Variants in KCNJ15 observed in about 807,000 individuals in gnomAD.
KCNJ15 encodes the protein potassium inwardly rectifying channel subfamily J member 15, also known as ATP-sensitive inward rectifier potassium channel 15.
In KCNJ15, 14 loss-of-function variants were observed where a neutral mutation model predicts 23.0. The ratio of observed to expected loss-of-function variants is 0.61; its 90% CI spans 0.40 to 0.95. The LOEUF is 0.95. Among genes scored for constraint, KCNJ15 ranks in the 40% least tolerant of loss-of-function variants. The pLI is 0.00. For synonymous variants in KCNJ15, 185 were observed against 183.2 expected, an observed-to-expected ratio of 1.01 and a Z score of -0.08; for missense variants, 388 against 461.8, an observed-to-expected ratio of 0.84 and a Z score of 1.46.
chr21:38,240,557 T>C (rs1601124809), intron 1 of KCNJ15, among the ~76,000 whole-genome samples: 2 of 152,342 alleles, frequency 1.3e-5, no homozygotes, highest in South Asian at 4.1e-4. Context: ...TCTGAGTTGT[T>C]GAATATCCAT....
At chr21:38,259,374 G>A (rs925075931) in intron 1 of KCNJ15, among the ~76,000 whole-genome samples, 2 of 152,164 alleles carry the variant, frequency 1.3e-5, no homozygotes, top group African/African-American at 4.8e-5. Flanking sequence ...GGGAATGCTT[G>A]TTGAAGGCAT....
rs1420677195 is a variant in KCNJ15 at position 38,257,007 on chromosome 21, T to G, written c.-295T>G. ...TCTCTCTTCAGTTCCTCCAGGTAAT[T>G]CTTACTCAAACTTGTACCAACTTGT... On this transcript the variant is annotated 5_prime_UTR_variant, in exon 1 of 3. In the 5' UTR this introduces an upstream ATG that the reference lacks. Coordinates refer to ENST00000398938, the MANE Select transcript of KCNJ15 (RefSeq NM_170736.3). The G allele has an allele frequency of 6.8e-6, 1 of 147,692 alleles. No homozygotes were observed. The highest frequency in any genetic ancestry group is 2.2e-4 in the East Asian group (1 of 4,578). 9.1% of individuals were successfully genotyped at this position (147,692 alleles called of 1,614,324 possible). A position where few individuals can be genotyped will look rare whatever the true frequency, so the allele number is the denominator to read the frequency against.
At position 38,306,088 on chromosome 21, in the gene KCNJ15, C is replaced by A. The variant is rs925345028; in HGVS notation, c.*5699C>A. The A allele has an allele frequency of 6.6e-6, 1 of 152,224 alleles. No homozygotes were observed. Among genetic ancestry groups the A allele is most frequent in the Non-Finnish European group, 1.5e-5 (1 of 68,048 alleles). The allele number at this position is 152,224 out of a possible 1,614,324, so 9.4% of individuals were successfully genotyped here. A position where few individuals can be genotyped will look rare whatever the true frequency, so the allele number is the denominator to read the frequency against. On this transcript the variant is annotated 3_prime_UTR_variant, in exon 3 of 3. Coordinates refer to ENST00000398938, the MANE Select transcript of KCNJ15 (RefSeq NM_170736.3). ...ACGTGGGTGCACAGGAGCCCAGATT[C>A]TCAAGCCCCAGTTGCAGAATTAGGC...
chr21:38,281,045 C>T (rs1306243810), intron 1 of KCNJ15, among the ~76,000 whole-genome samples: 3 of 152,056 alleles, frequency 2.0e-5, no homozygotes, highest in African/African-American at 4.8e-5. Context: ...GCCTCAGCCT[C>T]GCCTGGGAGC....
Position 38,242,790 on chromosome 21 carries a change from A to G in KCNJ15, c.-398-14256A>G, listed in dbSNP as rs976262439. ...CTGTGTTCCCCCAGCCCACATCTTC[A>G]TTACACAAACTATTTGTATGCTCAC... On this transcript the variant is annotated intron_variant, in intron 1 of 4. Coordinates refer to the KCNJ15 transcript ENST00000547341. Among the ~76,000 whole-genome samples the G allele has an allele frequency of 4.6e-5, 7 of 152,100 alleles. No homozygotes were observed. The South Asian group carries it at 6.2e-4, about 14-fold the overall frequency.
At chr21:38,279,828 G>A (rs576447992) in intron 1 of KCNJ15, among the ~76,000 whole-genome samples, 4 of 152,198 alleles carry the variant, frequency 2.6e-5, no homozygotes, top group African/African-American at 9.6e-5. Context: ...TAACTCCATG[G>A]GTTTTATTAC....
At chr21:38,241,882 T>C (rs568204329) in intron 1 of KCNJ15, among the ~76,000 whole-genome samples, 1 of 149,614 alleles carries the variant, frequency 6.7e-6, no homozygotes, top group Non-Finnish European at 1.5e-5. Flanking sequence ...GGCAGGAGAA[T>C]CGCTTGAACC....
In KCNJ15 at chr21:38,262,460, T is replaced by C. The variant is rs576982712; in HGVS notation, c.-117+5275T>C. ...AAAGCAGTGTGGGTGTGTATTTAGC[T>C]AGGACATTAATAACAAAACTGACTG... On this transcript the variant is annotated intron_variant, in intron 1 of 2. Coordinates refer to ENST00000398938, the MANE Select transcript of KCNJ15 (RefSeq NM_170736.3). 9.8e-5 allele frequency among the ~76,000 whole-genome samples: 15 copies of C among 152,304 alleles called. No individual in the cohort carries two copies. In the East Asian group the frequency reaches 2.9e-3, roughly 29 times the overall value.
At chr21:38,246,367 GTTGGCC>G (rs1282799743) in intron 1 of KCNJ15, among the ~76,000 whole-genome samples, 4 of 152,214 alleles carry the variant, frequency 2.6e-5, no homozygotes, top group Non-Finnish European at 4.4e-5. Flanking sequence ...ATTGGTTACT[GTTGGCC>G]TATATGATGA....
chr21:38,290,789 TAG>T (rs1984521128), intron 1 of KCNJ15, among the ~76,000 whole-genome samples: 1 of 152,116 alleles, frequency 6.6e-6, no homozygotes, highest in East Asian at 1.9e-4. Flanking sequence ...CATCTCAACA[TAG>T]AGTGTGACCA....
At chr21:38,240,774 A>G (rs1195792130) in intron 1 of KCNJ15, among the ~76,000 whole-genome samples, 1 of 152,224 alleles carries the variant, frequency 6.6e-6, no homozygotes, top group Non-Finnish European at 1.5e-5. Context: ...ATTTAAAAAT[A>G]TGGTTCCTTT....
At chr21:38,272,884 C>T (rs1982250865) in intron 1 of KCNJ15, among the ~76,000 whole-genome samples, 1 of 152,154 alleles carries the variant, frequency 6.6e-6, no homozygotes, top group Admixed American at 6.5e-5. Context: ...AAGACTGGAA[C>T]CTCAATTTAT....
intron 1 of KCNJ15, among the ~76,000 whole-genome samples, chr21:38,243,038 CT>C (rs1435588583): frequency 6.6e-6 from 1 of 152,196 alleles, no homozygotes; most frequent in Non-Finnish European, 1.5e-5. Context: ...GGCTGTGTGA[CT>C]TCAGCTCAGT....
At chr21:38,248,645 A>G (rs1291643655) in intron 1 of KCNJ15, among the ~76,000 whole-genome samples, 1 of 152,200 alleles carries the variant, frequency 6.6e-6, no homozygotes, top group African/African-American at 2.4e-5. Flanking sequence ...ATCTTGAAGG[A>G]ACTGGAGTGC....
intron 1 of KCNJ15, among the ~76,000 whole-genome samples, chr21:38,261,280 T>C (rs1300605302): frequency 3.9e-5 from 6 of 152,190 alleles, no homozygotes; most frequent in Admixed American, 6.5e-5. Flanking sequence ...TTGGGGGCTT[T>C]CTTTAGAGAA....
chr21:38,258,657 G>A (rs1980540179), intron 1 of KCNJ15, among the ~76,000 whole-genome samples: 1 of 152,194 alleles, frequency 6.6e-6, no homozygotes, highest in Admixed American at 6.5e-5. Flanking sequence ...TAAATAGTCT[G>A]GGGGTTTTAC....
At chr21:38,281,348 T>C (rs1983318985) in intron 1 of KCNJ15, among the ~76,000 whole-genome samples, 1 of 152,310 alleles carries the variant, frequency 6.6e-6, no homozygotes. Context: ...TATTGCATGA[T>C]GCCGAGGTTT....
chr21:38,274,236 T>G lies in KCNJ15; in HGVS notation c.-117+17051T>G, dbSNP rs547983475. Among the ~76,000 whole-genome samples the G allele has an allele frequency of 3.3e-5, 5 of 152,358 alleles. No homozygotes were observed. The South Asian group carries it at 6.2e-4, about 19-fold the overall frequency. On this transcript the variant is annotated intron_variant, in intron 1 of 2. Transcript: ENST00000398938. ...ACCTCACAGAGACCTGCCTGCTGGCTGAATCCTTTCTTCATCTCTTGTTGC... is the reference window on the plus strand; with the variant it reads ...ACCTCACAGAGACCTGCCTGCTGGCGGAATCCTTTCTTCATCTCTTGTTGC...
intron 1 of KCNJ15, among the ~76,000 whole-genome samples, chr21:38,293,822 A>G (rs538683884): frequency 6.6e-6 from 1 of 152,236 alleles, no homozygotes; most frequent in Non-Finnish European, 1.5e-5. Flanking sequence ...CACTTTGTCC[A>G]CCTTGCTTGT....
Sources: allele counts gnomAD v4.1 joint callset (sites outside exome capture counted in the v4.1 genomes callset), GRCh38; gene constraint gnomAD v4.1.1; transcripts MANE v1.5; gene names NCBI Gene and HGNC (gene_info 2026-07-23, HGNC 2026-07-21).